Variants in COA7 observed in about 807,000 individuals in gnomAD.
The protein encoded by COA7 is Sel1 repeat containing 1.
In COA7, 12 loss-of-function variants were observed where a neutral mutation model predicts 21.0. The ratio of observed to expected loss-of-function variants is 0.57; its 90% CI spans 0.37 to 0.92. The LOEUF is 0.92. COA7 is among the 40% of genes least tolerant of loss of function. The pLI, the probability that COA7 is intolerant of heterozygous loss-of-function variation, is 0.01. For missense variants in COA7, 240 were observed against 286.1 expected (o/e 0.84, Z 1.16); for synonymous variants, 95 against 107.4 (o/e 0.88, Z 0.72).
intron 2 of COA7, among the ~76,000 whole-genome samples, chr1:52,692,332 A>G (rs1247852733): frequency 6.6e-6 from 1 of 152,226 alleles, no homozygotes; most frequent in Non-Finnish European, 1.5e-5. Context: ...ATTAGAGTAC[A>G]AGGAGAAAAG....
chr1:52,695,249 G>A (rs1159072700), intron 1 of COA7, among the ~76,000 whole-genome samples: 3 of 145,434 alleles, frequency 2.1e-5, no homozygotes, highest in Non-Finnish European at 4.5e-5. Context: ...AGCTGATATC[G>A]TGCCACTGTA....
rs777548097 is a variant in COA7 at position 52,692,872 on chromosome 1, G to A, written c.107-5C>T. ...AGTCCACCAGCCGATAGCAACCTGC[G>A]AGAAGAGGGCAAGGGTTGTTCTTCA... is the stretch of plus-strand genomic sequence containing the variant. On this transcript the variant is annotated splice_polypyrimidine_tract_variant and splice_region_variant and intron_variant, in intron 1 of 2. Coordinates refer to ENST00000371538, the MANE Select transcript of COA7 (RefSeq NM_023077.3). 5.5e-5 allele frequency: 88 copies of A among 1,613,966 alleles called. No homozygotes were observed. Among genetic ancestry groups the A allele is most frequent in the Admixed American group, 1.0e-4 (6 of 59,998 alleles).
rs767873164 is a variant in COA7 at position 52,698,229 on chromosome 1, TC to T, written c.97del (p.Asp33ThrfsTer26). The T allele has an allele frequency of 6.2e-7, 1 of 1,610,160 alleles. No homozygotes were observed. Among genetic ancestry groups the T allele is most frequent in the South Asian group, 1.1e-5 (1 of 90,980 alleles). ...ECNYHCYHEK[D>X]PDGCYRLVDY... is the part of the protein sequence containing the mutation. ...GCGCTGGAGCCGCTCACCGTCCGGG[TC>T]CTTCTCGTGGTAGCAGTGGTAGTTG... On this transcript the variant is annotated frameshift_variant, in exon 1 of 3. Transcript: ENST00000371538. LOFTEE classifies it high-confidence loss of function.
chr1:52,698,116 C>A (rs1003855527), intron 1 of COA7, 105 bp downstream of exon 1: 1 of 829,670 alleles, frequency 1.2e-6, no homozygotes, highest in Non-Finnish European at 2.0e-6. Context: ...CCCCGTCCCC[C>A]GCCCGCCACG....
intron 2 of COA7, among the ~76,000 whole-genome samples, chr1:52,688,561 G>C (rs1396784432): frequency 6.6e-6 from 1 of 152,088 alleles, no homozygotes; most frequent in East Asian, 1.9e-4. Flanking sequence ...AACAATTCCT[G>C]AATAAAGTTT....
intron 2 of COA7, among the ~76,000 whole-genome samples, chr1:52,688,980 TAAC>T (rs999083912): frequency 3.3e-4 from 50 of 151,976 alleles, no homozygotes; most frequent in African/African-American, 1.1e-3. Flanking sequence ...AGGGAAAAAA[TAAC>T]AATACAATTA....
In COA7 at chr1:52,692,850, C is replaced by T; in HGVS notation, c.124G>A (p.Asp42Asn). 1 of 1,614,106 alleles carries T rather than the reference C, an allele frequency of 6.2e-7. No individual in the cohort carries two copies. Among genetic ancestry groups the T allele is most frequent in the African/African-American group, 1.3e-5 (1 of 75,048 alleles). ...KDPDGCYRLVDYLEGIRKNFD... is the reference protein window; with the variant it reads ...KDPDGCYRLVNYLEGIRKNFD... The stretch of plus-strand genomic sequence containing the variant: ...TTCTTCCGGATCCCTTCCAAATAGT[C>T]CACCAGCCGATAGCAACCTGCGAGA... Residue 42 changes from aspartate (D) to asparagine (N), a missense_variant, in exon 2 of 3, where the codon GAC becomes AAC. Around this residue, in one of 3 missense-constraint regions of COA7, gnomAD observed 71 missense variants for 54.7 expected, o/e 1.30. Transcript: ENST00000371538.
chr1:52,692,920 T>C, intron 1 of COA7, 53 bp from the exon 2 acceptor site: 2 of 1,604,678 alleles, frequency 1.2e-6, no homozygotes, highest in Non-Finnish European at 8.5e-7. Flanking sequence ...CTGCTCGCAG[T>C]GGGGACTTGG....
At chr1:52,694,461 GAA>G (rs59226724) in intron 1 of COA7, among the ~76,000 whole-genome samples, 10 of 64,990 alleles carry the variant, frequency 1.5e-4, no homozygotes, top group African/African-American at 2.2e-4. Context: ...ACTCCATCTC[GAA>G]AAAAAAAAAA....
rs1461329735 is a variant in COA7 at position 52,685,503 on chromosome 1, C to T, written c.*2217G>A. On this transcript the variant is annotated 3_prime_UTR_variant, in exon 3 of 3. Transcript: ENST00000371538. ...AGAGTTCATTGTGGTTTTTGATTTA[C>T]ATTTCCCTAATTAGTGATGTTGAAC... is the stretch of plus-strand genomic sequence containing the variant. 1 of 151,958 alleles carries T rather than the reference C, an allele frequency of 6.6e-6. No homozygotes were observed. The highest frequency in any genetic ancestry group is 2.4e-5 in the African/African-American group (1 of 41,364). 9.4% of individuals were successfully genotyped at this position (151,958 alleles called of 1,614,324 possible).
intron 2 of COA7, 116 bp from the exon 3 acceptor site, chr1:52,688,284 AC>A: frequency 1.2e-6 from 1 of 816,848 alleles, no homozygotes; most frequent in Non-Finnish European, 1.9e-6. Context: ...TGCTTTGTTA[AC>A]CAGGCTGGAG....
intron 2 of COA7, among the ~76,000 whole-genome samples, chr1:52,691,781 GT>G (rs1644048888): frequency 6.6e-6 from 1 of 152,112 alleles, no homozygotes; most frequent in Admixed American, 6.6e-5. Context: ...GCCTGTGGTG[GT>G]TTTAAATATG....
rs1168314876 is a variant in COA7 at position 52,692,757 on chromosome 1, T to C, written c.217A>G (p.Lys73Glu). The C allele has an allele frequency of 6.8e-6, 11 of 1,614,074 alleles. No individual in the cohort carries two copies. The Admixed American group carries it at 1.7e-4, about 24-fold the overall frequency. Reference sequence around the variant, plus strand: ...CCAGTCACATAGTAGGCCCCCAGTTTGTAGCAGCTATCACTGTGCTGGTTC... The same window carrying C: ...CCAGTCACATAGTAGGCCCCCAGTTCGTAGCAGCTATCACTGTGCTGGTTC... ...EENQHSDSCYKLGAYYVTGKG... is the reference protein window; with the variant it reads ...EENQHSDSCYELGAYYVTGKG... The change falls in exon 2 of 3, where the codon AAA (lysine) becomes GAA (glutamate). Residue 73 changes from lysine to glutamate, a missense_variant. Transcript: ENST00000371538.
intron 2 of COA7, among the ~76,000 whole-genome samples, chr1:52,692,028 C>T (rs1269194477): frequency 6.6e-6 from 1 of 152,194 alleles, no homozygotes; most frequent in Admixed American, 6.5e-5. Context: ...CGAACCATGT[C>T]ATGACGATCT....
chr1:52,697,627 C>G (rs752402172), intron 1 of COA7, among the ~76,000 whole-genome samples: 17 of 152,216 alleles, frequency 1.1e-4, no homozygotes, highest in Non-Finnish European at 2.1e-4. Flanking sequence ...GGCTGGAGTG[C>G]AGTGGCGCGA....
intron 1 of COA7, among the ~76,000 whole-genome samples, chr1:52,693,393 G>A (rs1170219299): frequency 6.6e-6 from 1 of 151,696 alleles, no homozygotes; most frequent in Non-Finnish European, 1.5e-5. Context: ...GCCTGGACAG[G>A]GTAAAACCCT....
chr1:52,688,166 C>A lies in COA7; in HGVS notation c.250G>T (p.Gly84Cys), dbSNP rs755303368. The change falls in exon 3 of 3, where the codon GGT (glycine) becomes TGT (cysteine). Residue 84 changes from glycine (G) to cysteine (C), a missense_variant and splice_region_variant. This residue lies in a region of COA7 where 163 missense variants were observed against 214.1 expected (regional missense o/e 0.76). Coordinates refer to ENST00000371538, the MANE Select transcript of COA7 (RefSeq NM_023077.3). ...LGAYYVTGKG[G>C]LTQDLKAAAR... Reference sequence around the variant, plus strand: ...GCAGCTTTCAGGTCCTGGGTCAGACCACCTGAGAGGAAGGAAAGTAGGAAA... The same window carrying A: ...GCAGCTTTCAGGTCCTGGGTCAGACAACCTGAGAGGAAGGAAAGTAGGAAA... 8.1e-6 allele frequency: 13 copies of A among 1,607,888 alleles called. No individual in the cohort carries two copies. In the South Asian group the frequency reaches 1.4e-4, roughly 18 times the overall value.
At chr1:52,698,144 T>C in intron 1 of COA7, 77 bp downstream of exon 1, 2 of 1,030,552 alleles carry the variant, frequency 1.9e-6, no homozygotes, top group Non-Finnish European at 3.0e-6. Context: ...TTCTCCAGCC[T>C]CTCAGAGGTC....
intron 1 of COA7, among the ~76,000 whole-genome samples, chr1:52,697,531 C>T (rs181692915): frequency 6.6e-6 from 1 of 152,346 alleles, no homozygotes; most frequent in South Asian, 2.1e-4. Context: ...GCCCTCCTGA[C>T]ACCCTTCACC....
Sources: gnomAD v4.1 joint callset for allele counts (sites outside exome capture counted in the v4.1 genomes callset) on GRCh38, gnomAD v4.1.1 for gene constraint, gnomAD v4.1.1 regional missense constraint, MANE v1.5 for transcripts, NCBI Gene and HGNC (gene_info 2026-07-23, HGNC 2026-07-21) for gene names.